Variants in TF observed in about 807,000 individuals in gnomAD.
TF encodes the protein serotransferrin.
In TF, 55 loss-of-function variants were observed where a neutral mutation model predicts 82.4. The ratio of observed to expected loss-of-function variants is 0.67; its 90% confidence interval spans 0.54 to 0.84. TF has a LOEUF of 0.84. Among genes scored for constraint, TF ranks in the 40% least tolerant of loss-of-function variants. The pLI, the probability that TF is intolerant of heterozygous loss-of-function variation, is 0.00. For missense variants in TF, 737 were observed against 868.4 expected (o/e 0.85, Z 1.90); for synonymous variants, 332 against 332.6 (o/e 1.00, Z 0.02).
chr3:133,769,995 C>A lies in TF; in HGVS notation c.1623-513C>A, dbSNP rs1934220936. 2.0e-5 allele frequency among the ~76,000 whole-genome samples: 3 copies of A among 152,128 alleles called. No homozygotes were observed. In the South Asian group the frequency reaches 6.2e-4, roughly 32 times the overall value. ...TCAGGTGCCTTTATGCCATGTTTTG[C>A]CATATTCTCTGCATTTCTCAAAAAC... is the stretch of plus-strand genomic sequence containing the variant. On this transcript the variant is annotated intron_variant, in intron 13 of 16. Coordinates refer to ENST00000402696, the MANE Select transcript of TF (RefSeq NM_001063.4).
chr3:133,667,271 T>C, the TF span, among the ~76,000 whole-genome samples: 1 of 151,158 alleles, frequency 6.6e-6, no homozygotes, highest in South Asian at 2.1e-4. Flanking sequence ...GTGGGAGGAT[T>C]GCTTGAGCCC....
intron 5 of TF, chr3:133,755,724 T>C: frequency 1.7e-6 from 1 of 599,782 alleles, no homozygotes; most frequent in Non-Finnish European, 2.9e-6. Flanking sequence ...ACCCTTCCTT[T>C]CTCCCCAGAG....
chr3:133,680,646 G>A, the TF span, among the ~76,000 whole-genome samples: 1 of 151,240 alleles, frequency 6.6e-6, no homozygotes, highest in Non-Finnish European at 1.5e-5. Flanking sequence ...CTACTCCCTT[G>A]GTTGTGCTTC....
chr3:133,752,840 T>C (rs374894455), intron 2 of TF, among the ~76,000 whole-genome samples: 75 of 152,302 alleles, frequency 4.9e-4, no homozygotes, highest in African/African-American at 1.7e-3. Flanking sequence ...GCCCATGTGT[T>C]GGAGTAGACA....
At chr3:133,699,471 G>C in the TF span, 42 of 1,236,818 alleles carry the variant, frequency 3.4e-5, no homozygotes, top group South Asian at 4.5e-4. Context: ...GGCTGACAAG[G>C]ACCAGTATGA....
the TF span, among the ~76,000 whole-genome samples, chr3:133,685,113 T>A: frequency 2.6e-5 from 4 of 152,172 alleles, no homozygotes; most frequent in Non-Finnish European, 5.9e-5. Context: ...CACATGATTA[T>A]CTCAATAGAT....
the TF span, among the ~76,000 whole-genome samples, chr3:133,665,867 G>A: frequency 1.3e-5 from 2 of 150,288 alleles, no homozygotes; most frequent in Non-Finnish European, 3.0e-5. Flanking sequence ...CCCAGGAGGC[G>A]GAGGTTGTGG....
the TF span, among the ~76,000 whole-genome samples, chr3:133,739,653 A>G: frequency 0.11 from 17,269 of 152,166 alleles, 1,230 homozygotes; most frequent in Non-Finnish European, 0.15. Context: ...TGGGCAAAGG[A>G]TATGAACAAC....
At chr3:133,754,231 G>C (rs1454209458) in intron 3 of TF, among the ~76,000 whole-genome samples, 1 of 152,230 alleles carries the variant, frequency 6.6e-6, no homozygotes, top group Non-Finnish European at 1.5e-5. Flanking sequence ...TGCAGGGCCA[G>C]GGGAGGCAAA....
At chr3:133,707,570 G>A in the TF span, 1 of 152,120 alleles carries the variant, frequency 6.6e-6, no homozygotes, top group East Asian at 1.9e-4. Context: ...ACGTGTCTGA[G>A]GTCACCTAAG....
chr3:133,735,193 T>G, the TF span, among the ~76,000 whole-genome samples: 1 of 151,856 alleles, frequency 6.6e-6, no homozygotes. Context: ...ATACAAAAAT[T>G]AGCCAGGCGT....
the TF span, among the ~76,000 whole-genome samples, chr3:133,728,492 C>T: frequency 6.6e-6 from 1 of 152,150 alleles, no homozygotes. Context: ...TGAGCCTTGG[C>T]TTTCAGCTCC....
At chr3:133,778,397 C>T in intron 16 of TF, 189 bp from the exon 17 acceptor site, 1 of 550,648 alleles carries the variant, frequency 1.8e-6, no homozygotes, top group African/African-American at 1.9e-5. Flanking sequence ...GCGTGGGGCA[C>T]TCCCCAGGAT....
chr3:133,707,117 G>T, the TF span, among the ~76,000 whole-genome samples: 1 of 151,986 alleles, frequency 6.6e-6, no homozygotes, highest in Non-Finnish European at 1.5e-5. Context: ...GGATGGTTTA[G>T]TCACCAGCAG....
At chr3:133,777,409 A>G in intron 16 of TF, 171 bp downstream of exon 16, 1 of 643,448 alleles carries the variant, frequency 1.6e-6, no homozygotes, top group Non-Finnish European at 2.8e-6. Context: ...GCTAGACTGT[A>G]GGGGCAGATA....
At chr3:133,669,772 C>T in the TF span, among the ~76,000 whole-genome samples, 1 of 152,192 alleles carries the variant, frequency 6.6e-6, no homozygotes, top group East Asian at 1.9e-4. Flanking sequence ...GCCAGATGGG[C>T]TTTATGTTAC....
At chr3:133,776,306 A>G (rs544270593) in intron 15 of TF, among the ~76,000 whole-genome samples, 1 of 152,250 alleles carries the variant, frequency 6.6e-6, no homozygotes, top group South Asian at 2.1e-4. Context: ...CCTCTGGGGG[A>G]ACAACCACTC....
intron 1 of TF, 38 bp downstream of exon 1, chr3:133,746,521 G>A: frequency 4.4e-6 from 7 of 1,575,262 alleles, no homozygotes; most frequent in Non-Finnish European, 5.1e-6. Flanking sequence ...AGAGTCGCTG[G>A]CCCGCGCGTT....
At chr3:133,709,779 C>T in the TF span, 4 of 152,564 alleles carry the variant, frequency 2.6e-5, no homozygotes, top group African/African-American at 9.7e-5. Flanking sequence ...GGGTGGTGAG[C>T]TTAAGAGCTT....
Sources: gnomAD v4.1 joint callset for allele counts (sites outside exome capture counted in the v4.1 genomes callset) on GRCh38, gnomAD v4.1.1 for gene constraint, MANE v1.5 for transcripts, NCBI Gene and HGNC (gene_info 2026-07-23, HGNC 2026-07-21) for gene names.